The following MYH14 variants were observed in gnomAD, a reference collection of about 807,000 sequenced individuals.
The protein encoded by MYH14 is myosin-14.
MYH14 carries 123 observed loss-of-function variants against 255.5 expected under a neutral mutation model. That is an observed-to-expected ratio of 0.48 (90% CI 0.42 to 0.56). MYH14 has a LOEUF of 0.56. MYH14 is among the 20% of genes least tolerant of loss of function. The probability of loss-of-function intolerance (pLI) is 0.00; values close to 1 mark genes in which losing one functional copy is unlikely to be tolerated. For missense variants in MYH14, 2,423 were observed against 2,802.3 expected (o/e 0.86, Z 3.06); for synonymous variants, 1,095 against 1,161.2 (o/e 0.94, Z 1.16).
At chr19:50,279,033 A>G (rs1175002711) in intron 30 of MYH14, among the ~76,000 whole-genome samples, 2 of 152,140 alleles carry the variant, frequency 1.3e-5, no homozygotes, top group Admixed American at 6.5e-5. Flanking sequence ...GTGCAATTCA[A>G]TGGATTTTGG....
At position 50,309,650 on chromosome 19, in the gene MYH14, C is replaced by A; in HGVS notation, c.5971C>A (p.Leu1991Ile). 1 of 1,610,976 alleles carries A rather than the reference C, an allele frequency of 6.2e-7. No individual in the cohort carries two copies. Among genetic ancestry groups the A allele is most frequent in the East Asian group, 2.2e-5 (1 of 44,712 alleles). ...CTCTCCTCCCCACAGACGCGGCCCCCTCACCTTCACCACCCGCACGGTGCG... is the reference window on the plus strand; with the variant it reads ...CTCTCCTCCCCACAGACGCGGCCCCATCACCTTCACCACCCGCACGGTGCG... ...TLRNRLRRGP[L>I]TFTTRTVRQV... The change falls in exon 43 of 43, where the codon CTC becomes ATC. Residue 1991 changes from leucine (L) to isoleucine (I), a missense_variant. Around this residue, in one of 3 missense-constraint regions of MYH14, gnomAD observed 1,513 missense variants for 1,674.8 expected, o/e 0.90. Coordinates refer to ENST00000642316, the MANE Select transcript of MYH14 (RefSeq NM_001145809.2).
In MYH14 at chr19:50,280,150, G is replaced by C. The variant is rs1396696624; in HGVS notation, c.4137+9G>C. 1 of 1,589,042 alleles carries C rather than the reference G, an allele frequency of 6.3e-7. No individual in the cohort carries two copies. The highest frequency in any genetic ancestry group is 8.6e-7 in the Non-Finnish European group (1 of 1,168,612). The stretch of plus-strand genomic sequence containing the variant: ...AGCTGCACGATGCCCAGGTGACCCT[G>C]CCTGCCCTTCGGCTCCACCGTCACC... On this transcript the variant is annotated intron_variant, in intron 31 of 42. Coordinates refer to ENST00000642316, the MANE Select transcript of MYH14 (RefSeq NM_001145809.2). The surrounding 1 kb of genome is among the most constrained non-coding windows in gnomAD (Gnocchi z 4.8).
chr19:50,258,737 A>AC lies in MYH14; in HGVS notation c.2233-407_2233-406insC, dbSNP rs1408641590. ...ACTCTGTCTCAAAAAAAAAAAAAAA[A>AC]AAAAAAACGAACAAACAAACAAACA... On this transcript the variant is annotated intron_variant, in intron 18 of 42. Coordinates refer to ENST00000642316, the MANE Select transcript of MYH14 (RefSeq NM_001145809.2). 7.2e-3 allele frequency: 719 copies of AC among 100,424 alleles called. 12 individuals are homozygous for AC. The highest frequency in any genetic ancestry group is 9.1e-3 in the Non-Finnish European group (418 of 45,948). The allele number at this position is 100,424 out of a possible 1,614,324, so 6.2% of individuals were successfully genotyped here.
chr19:50,302,137 A>C (rs935640865), intron 40 of MYH14, among the ~76,000 whole-genome samples: 1 of 148,470 alleles, frequency 6.7e-6, no homozygotes, highest in Non-Finnish European at 1.5e-5. Flanking sequence ...AAAAAAAAAA[A>C]GCCAGGTGTG....
chr19:50,266,338 A>G lies in MYH14; in HGVS notation c.2695-539A>G, dbSNP rs183491113. Among the ~76,000 whole-genome samples the G allele has an allele frequency of 5.3e-5, 8 of 152,262 alleles. No homozygotes were observed. The East Asian group carries it at 1.5e-3, about 29-fold the overall frequency. ...CACTTTGGGAGGCTGAGGTGGGTGG[A>G]TTACTTGAGGCCGGGAGTTGGAGAC... On this transcript the variant is annotated intron_variant, in intron 22 of 42. Transcript: ENST00000642316. The surrounding 1 kb of genome is among the most constrained non-coding windows in gnomAD (Gnocchi z 4.1).
chr19:50,294,197 A>G (rs750100155), intron 39 of MYH14, among the ~76,000 whole-genome samples: 6 of 152,122 alleles, frequency 3.9e-5, no homozygotes, highest in Non-Finnish European at 8.8e-5. Context: ...TAAAGGAGGA[A>G]ATAGACCATC....
In MYH14 at chr19:50,261,588, C is replaced by T; in HGVS notation, c.2538C>T (p.Asp846=). The T allele has an allele frequency of 6.2e-7, 1 of 1,603,606 alleles. No homozygotes were observed. The highest frequency in any genetic ancestry group is 8.5e-7 in the Non-Finnish European group (1 of 1,176,382). ...AGGAGCGAGACCTGAAGGTCACCGA[C>T]ATCATCGTCTCCTTCCAGGCAGCTG... is the stretch of plus-strand genomic sequence containing the variant. ...LEEERDLKVT[D]IIVSFQAAAR... is the part of the protein sequence containing the mutation. Residue 846 remains aspartate (D), a synonymous_variant, in exon 21 of 43, where the codon GAC becomes GAT. Transcript: ENST00000642316.
At chr19:50,301,596 G>T (rs977355961) in intron 39 of MYH14, 65 bp from the exon 40 acceptor site, 1 of 1,329,890 alleles carries the variant, frequency 7.5e-7, no homozygotes, top group Middle Eastern at 2.5e-4. Flanking sequence ...AGAGGTGCCT[G>T]GATTTACCTA....
chr19:50,255,466 G>A, intron 17 of MYH14, 148 bp downstream of exon 17: 1 of 657,232 alleles, frequency 1.5e-6, no homozygotes, highest in South Asian at 1.8e-5. Context: ...TGGCTCCCTT[G>A]GAAGTTTCCA....
In MYH14 at chr19:50,249,721, G is replaced by T; in HGVS notation, c.1554G>T (p.Met518Ile). Residue 518 changes from methionine to isoleucine, a missense_variant, in exon 14 of 43, where the codon ATG (methionine) becomes ATT (isoleucine). Transcript: ENST00000642316. ...EKLQQLFNHT[M>I]FVLEQEEYQR... The stretch of plus-strand genomic sequence containing the variant: ...TGCAGCAGCTCTTCAACCACACCAT[G>T]TTCGTGCTGGAGCAGGAGGAGTACC... 1 of 1,614,204 alleles carries T rather than the reference G, an allele frequency of 6.2e-7. No individual in the cohort carries two copies. Among genetic ancestry groups the T allele is most frequent in the East Asian group, 2.2e-5 (1 of 44,878 alleles).
At position 50,210,771 on chromosome 19, in the gene MYH14, G is replaced by A; in HGVS notation, c.405+1G>A. The A allele has an allele frequency of 6.4e-7, 1 of 1,565,170 alleles. No individual in the cohort carries two copies. The highest frequency in any genetic ancestry group is 8.6e-7 in the Non-Finnish European group (1 of 1,157,302). On this transcript the variant is annotated splice_donor_variant, in intron 2 of 42. Transcript: ENST00000642316. LOFTEE classifies it high-confidence loss of function. Reference sequence around the variant, plus strand: ...GCGGTACTACTCCGGCCTCATCTACGTGAGTGGGCTCCTGCTGGGGGGCGC... The same window carrying A: ...GCGGTACTACTCCGGCCTCATCTACATGAGTGGGCTCCTGCTGGGGGGCGC...
At position 50,255,266 on chromosome 19, in the gene MYH14, G is replaced by A. The variant is rs192745436; in HGVS notation, c.1992G>A (p.Pro664=). Reference sequence around the variant, plus strand: ...TCTCTTTCCTTGGCTCCTTCCCACCGTCGCCCCCAGGATCTGCAGAGAGGT... The same window carrying A: ...TCTCTTTCCTTGGCTCCTTCCCACCATCGCCCCCAGGATCTGCAGAGAGGT... The part of the protein sequence containing the change: ...QQFSFLGSFP[P]SPPGSAERCS... Residue 664 remains proline, a synonymous_variant, in exon 17 of 43, where the codon CCG becomes CCA. Coordinates refer to ENST00000642316, the MANE Select transcript of MYH14 (RefSeq NM_001145809.2). 1,148 of 1,551,274 alleles carry A rather than the reference G, an allele frequency of 7.4e-4. No individual in the cohort carries two copies. Among genetic ancestry groups the A allele is most frequent in the African/African-American group, 1.7e-3 (126 of 73,072 alleles).
At chr19:50,287,000 C>T (rs2035913665) in intron 34 of MYH14, among the ~76,000 whole-genome samples, 1 of 152,122 alleles carries the variant, frequency 6.6e-6, no homozygotes, top group South Asian at 2.1e-4. Flanking sequence ...TGCCTGTAAC[C>T]CCAGCTACTT....
chr19:50,300,981 T>C (rs374963207), intron 39 of MYH14, among the ~76,000 whole-genome samples: 3 of 151,136 alleles, frequency 2.0e-5, no homozygotes, highest in East Asian at 1.9e-4. Context: ...AAGGAGAATA[T>C]GCTAATTACC....
At chr19:50,222,694 C>G (rs2032895902) in intron 3 of MYH14, among the ~76,000 whole-genome samples, 1 of 152,054 alleles carries the variant, frequency 6.6e-6, no homozygotes, top group Admixed American at 6.6e-5. Context: ...GTGTTAGGCC[C>G]AGGGCAGGCG....
In MYH14 at chr19:50,271,871, G is replaced by C. The variant is rs769362736; in HGVS notation, c.3194G>C (p.Arg1065Pro). ...CAGGAGCGGAAGCTGCTGGAAGATC[G>C]TCTGGCCGAGTTCTCATCCCAGGCA... ...LSKERKLLEDRLAEFSSQAAE... is the reference protein window; with the variant it reads ...LSKERKLLEDPLAEFSSQAAE... Residue 1065 changes from arginine to proline, a missense_variant, in exon 26 of 43, where the codon CGT becomes CCT. Arg to Pro is a moderately radical substitution (Grantham distance 103, BLOSUM62 -2). Transcript: ENST00000642316. 1 of 1,613,448 alleles carries C rather than the reference G, an allele frequency of 6.2e-7. No homozygotes were observed. Among genetic ancestry groups the C allele is most frequent in the Non-Finnish European group, 8.5e-7 (1 of 1,179,796 alleles).
intron 40 of MYH14, among the ~76,000 whole-genome samples, chr19:50,305,728 G>A (rs903723369): frequency 2.6e-5 from 4 of 151,744 alleles, no homozygotes; most frequent in Admixed American, 6.6e-5. Context: ...AGGAGTTCAA[G>A]ACCAGCCTGG....
intron 10 of MYH14, among the ~76,000 whole-genome samples, chr19:50,238,844 G>A (rs1421476065): frequency 2.6e-5 from 4 of 152,096 alleles, no homozygotes; most frequent in Non-Finnish European, 5.9e-5. Flanking sequence ...GGTATCTTTG[G>A]GGTCTGTTAT....
chr19:50,261,659 G>T, intron 21 of MYH14, 24 bp downstream of exon 21: 1 of 1,561,080 alleles, frequency 6.4e-7, no homozygotes. Flanking sequence ...CTGTCTCCCG[G>T]GGTCCTGTTG....
Sources: allele counts gnomAD v4.1 joint callset (sites outside exome capture counted in the v4.1 genomes callset), GRCh38; gene constraint gnomAD v4.1.1; regional missense constraint gnomAD v4.1.1; non-coding constraint Gnocchi (gnomAD v3.1); transcripts MANE v1.5; gene names NCBI Gene and HGNC (gene_info 2026-07-23, HGNC 2026-07-21).